Variants in SSC5D observed in about 807,000 individuals in gnomAD.
SSC5D encodes the protein soluble scavenger receptor cysteine-rich domain-containing protein SSC5D.
A neutral mutation model predicts 104.6 loss-of-function variants in SSC5D; 106 were observed. The observed-to-expected ratio is 1.01, with a 90% CI of 0.87 to 1.19. The LOEUF (loss-of-function observed/expected upper bound fraction) is 1.19, where lower values mean the gene tolerates loss of function less well. Ranked by LOEUF, SSC5D falls within the 50% of genes most tolerant of loss-of-function variation. The pLI is 0.00. For synonymous variants in SSC5D, 860 were observed against 883.5 expected, an observed-to-expected ratio of 0.97 and a Z score of 0.47; for missense variants, 1,993 against 2,153.8, an observed-to-expected ratio of 0.93 and a Z score of 1.48.
intron 12 of SSC5D, among the ~76,000 whole-genome samples, chr19:55,512,529 A>T (rs12979656): frequency 0.99 from 149,127 of 150,102 alleles, 74,116 homozygotes; most frequent in Non-Finnish European, 1. Context: ...TCACCCAGGC[A>T]GGAGTGCAGT....
rs182330064 is a variant in SSC5D, at chr19:55,512,743, A to G, written c.2786-268A>G. 1.6e-3 allele frequency among the ~76,000 whole-genome samples: 241 copies of G among 152,266 alleles called. 1 individual carries two copies. The highest frequency in any genetic ancestry group is 5.6e-3 in the African/African-American group (231 of 41,520). ...AGTGATCTGCCTGCCTCAGCCTCCC[A>G]AAGTGCTGGGATTACAAGCTTGAGC... On this transcript the variant is annotated intron_variant, in intron 12 of 13. Coordinates refer to ENST00000389623, the MANE Select transcript of SSC5D (RefSeq NM_001144950.2).
At chr19:55,514,621 G>A (rs896257574) in intron 13 of SSC5D, among the ~76,000 whole-genome samples, 1 of 150,236 alleles carries the variant, frequency 6.7e-6, no homozygotes, top group Non-Finnish European at 1.5e-5. Context: ...AAAAGAGAGA[G>A]AGAGAAGAAG....
chr19:55,500,323 T>C lies in SSC5D; in HGVS notation c.2213T>C (p.Leu738Pro), dbSNP rs754376264. 14 of 1,551,350 alleles carry C rather than the reference T, an allele frequency of 9.0e-6. No homozygotes were observed. The South Asian group carries it at 1.4e-4, about 16-fold the overall frequency. The change falls in exon 10 of 14, where the codon CTG becomes CCG. Residue 738 changes from leucine to proline, a missense_variant. This residue lies in a region of SSC5D where 1,101 missense variants were observed against 1,085.0 expected (regional missense o/e 1.01). Coordinates refer to ENST00000389623, the MANE Select transcript of SSC5D (RefSeq NM_001144950.2). This position sits in a 1 kb window ranked among gnomAD's most constrained non-coding sequence, Gnocchi z 4.6. Reference protein sequence around the residue: ...STIKSIPQASLEPSAEIPEGS... With the variant: ...STIKSIPQASPEPSAEIPEGS... ...ATCAAGAGTATCCCTCAGGCCTCCC[T>C]GGAGCCATCTGCTGAGATCCCAGAA... is the stretch of plus-strand genomic sequence containing the variant.
rs1987667816 is a variant in SSC5D, at chr19:55,507,678, A to AG, written c.2786-5333_2786-5332insG. Among the ~76,000 whole-genome samples the AG allele has an allele frequency of 5.3e-5, 8 of 151,322 alleles. No homozygotes were observed. In the South Asian group the frequency reaches 1.5e-3, roughly 28 times the overall value. ...GAGACTCCGTCTCAAAAAAAAAAAA[A>AG]AAAAAAAAAAGAAAAAAAGAGACAT... On this transcript the variant is annotated intron_variant, in intron 12 of 13. Coordinates refer to ENST00000389623, the MANE Select transcript of SSC5D (RefSeq NM_001144950.2).
intron 13 of SSC5D, 128 bp from the exon 14 acceptor site, chr19:55,517,096 C>A: frequency 1.2e-6 from 1 of 853,308 alleles, no homozygotes. Flanking sequence ...TGAAGTCTGC[C>A]GGTGACCCAT....
Position 55,500,855 on chromosome 19 carries a change from T to A in SSC5D, c.2617+51T>A, listed in dbSNP as rs1987479758. 2.0e-6 allele frequency: 3 copies of A among 1,507,312 alleles called. No homozygotes were observed. The highest frequency in any genetic ancestry group is 2.7e-6 in the Non-Finnish European group (3 of 1,126,300). The allele number at this position is 1,507,312 out of a possible 1,614,324, so 93.4% of individuals were successfully genotyped here. ...GGGTTGTCGGGGGTGGCCAGGAGAA[T>A]GGAGTCAGGGTGGGGCCAGGTGACG... On this transcript the variant is annotated intron_variant, in intron 11 of 13. Transcript: ENST00000389623. The surrounding 1 kb of genome is among the most constrained non-coding windows in gnomAD (Gnocchi z 4.6).
rs1987912984 is a variant in SSC5D, at chr19:55,517,933, C to T, written c.3657C>T (p.Thr1219=). The T allele has an allele frequency of 6.5e-7, 1 of 1,540,444 alleles. No individual in the cohort carries two copies. Among genetic ancestry groups the T allele is most frequent in the Non-Finnish European group, 8.7e-7 (1 of 1,144,032 alleles). Residue 1219 remains threonine, a synonymous_variant, in exon 14 of 14, where the codon ACC becomes ACT. Coordinates refer to ENST00000389623, the MANE Select transcript of SSC5D (RefSeq NM_001144950.2). ...ACTCCACCATGATTCCTGACCCCAC[C>T]ACAACCCCTCAACCCTTCACCACCA... is the stretch of plus-strand genomic sequence containing the variant. ...ITHSTMIPDP[T]TTPQPFTTMQ...
At chr19:55,492,572 G>A (rs2123431302) in intron 6 of SSC5D, 1 of 152,160 alleles carries the variant, frequency 6.6e-6, no homozygotes, top group East Asian at 1.9e-4. Flanking sequence ...CCCCTCCCCT[G>A]TCTGCAGATG....
Position 55,488,498 on chromosome 19 carries a change from C to G in SSC5D, c.-92C>G. The G allele has an allele frequency of 3.1e-4, 331 of 1,065,468 alleles. No individual in the cohort carries two copies. Among genetic ancestry groups the G allele is most frequent in the Middle Eastern group, 4.2e-4 (2 of 4,748 alleles). 66.0% of individuals were successfully genotyped at this position (1,065,468 alleles called of 1,614,324 possible). On this transcript the variant is annotated 5_prime_UTR_variant, in exon 1 of 14. Coordinates refer to ENST00000389623, the MANE Select transcript of SSC5D (RefSeq NM_001144950.2). ...CGGGCCTGGGCGCCTCCAGCAGGCACTTCCCTCCCTCCCTCTCTCCCCAGC... is the reference window on the plus strand; with the variant it reads ...CGGGCCTGGGCGCCTCCAGCAGGCAGTTCCCTCCCTCCCTCTCTCCCCAGC...
Position 55,517,293 on chromosome 19 carries a change from C to T in SSC5D, c.3017C>T (p.Thr1006Ile), listed in dbSNP as rs1460232791. 2.6e-6 allele frequency: 4 copies of T among 1,548,616 alleles called. No homozygotes were observed. In the Admixed American group the frequency reaches 5.9e-5, roughly 23 times the overall value. The change falls in exon 14 of 14, where the codon ACC becomes ATC. Residue 1006 changes from threonine (T) to isoleucine (I), a missense_variant. Thr to Ile is a moderately conservative substitution (Grantham distance 89, BLOSUM62 -1). This residue lies in a region of SSC5D where 423 missense variants were observed against 409.2 expected (regional missense o/e 1.03). Coordinates refer to ENST00000389623, the MANE Select transcript of SSC5D (RefSeq NM_001144950.2). Reference sequence around the variant, plus strand: ...GCTGCGACCAGGACAGCGCCCCCAACCCCGTCCCCAGGTCCCTCCGCCTCT... The same window carrying T: ...GCTGCGACCAGGACAGCGCCCCCAATCCCGTCCCCAGGTCCCTCCGCCTCT... ...RPAATRTAPP[T>I]PSPGPSASPG...
At chr19:55,497,475 A>G (rs1987354389) in intron 8 of SSC5D, among the ~76,000 whole-genome samples, 2 of 152,270 alleles carry the variant, frequency 1.3e-5, no homozygotes, top group Non-Finnish European at 2.9e-5. Flanking sequence ...ATACAACTTA[A>G]GTGGTATTTA....
In SSC5D at chr19:55,503,665, C is replaced by T. The variant is rs1304703981; in HGVS notation, c.2785+2464C>T. On this transcript the variant is annotated intron_variant, in intron 12 of 13. Transcript: ENST00000389623. The surrounding 1 kb of genome is among the most constrained non-coding windows in gnomAD (Gnocchi z 4.0). ...CCCGTCGCAGTCGCTGTTTCTCCGT[C>T]TTCTCCCTCCCTTCCACTCTCCCGC... is the stretch of plus-strand genomic sequence containing the variant. 1.3e-5 allele frequency among the ~76,000 whole-genome samples: 2 copies of T among 152,216 alleles called. No homozygotes were observed. The highest frequency in any genetic ancestry group is 2.9e-5 in the Non-Finnish European group (2 of 68,038).
intron 13 of SSC5D, among the ~76,000 whole-genome samples, chr19:55,514,330 A>T (rs1467754966): frequency 6.7e-6 from 1 of 150,198 alleles, no homozygotes; most frequent in East Asian, 2.0e-4. Context: ...GCGTGAACCC[A>T]GGAGGCAGAG....
chr19:55,495,689 A>C (rs1987307856), intron 8 of SSC5D, among the ~76,000 whole-genome samples: 1 of 152,106 alleles, frequency 6.6e-6, no homozygotes, highest in East Asian at 1.9e-4. Flanking sequence ...CACACAGGGA[A>C]GCACCAGGGC....
At chr19:55,497,112 C>CCTCAGGCAGAATTTTT (rs1427566986) in intron 8 of SSC5D, among the ~76,000 whole-genome samples, 1 of 152,226 alleles carries the variant, frequency 6.6e-6, no homozygotes, top group Admixed American at 6.5e-5. Flanking sequence ...TCTCCAGCTT[C>CCTCAGGCAGAATTTTT]CTCAGGCAGA....
In SSC5D at chr19:55,507,887, A is replaced by G. The variant is rs113348823; in HGVS notation, c.2786-5124A>G. The stretch of plus-strand genomic sequence containing the variant: ...CCAGCGTGGATGCAGGGAGCCCGGG[A>G]GGTCCAGGGGAGAGTGACAATGGCT... On this transcript the variant is annotated intron_variant, in intron 12 of 13. Coordinates refer to ENST00000389623, the MANE Select transcript of SSC5D (RefSeq NM_001144950.2). Among the ~76,000 whole-genome samples, 212 of 152,138 alleles carry G rather than the reference A, an allele frequency of 1.4e-3. 5 individuals carry two copies. The highest frequency in any genetic ancestry group is 4.9e-3 in the African/African-American group (205 of 41,500).
At chr19:55,490,049 C>T in intron 4 of SSC5D, 54 bp downstream of exon 4, 2 of 1,293,096 alleles carry the variant, frequency 1.5e-6, no homozygotes, top group Admixed American at 2.3e-5. Flanking sequence ...CTCCTGCCCC[C>T]CCCGAGGGGA....
chr19:55,513,507 G>A (rs542119020), intron 13 of SSC5D, among the ~76,000 whole-genome samples: 1 of 152,270 alleles, frequency 6.6e-6, no homozygotes, highest in South Asian at 2.1e-4. Flanking sequence ...TTGAGCCTGG[G>A]TGCTCGAGGC....
At chr19:55,510,315 T>C (rs1196643482) in intron 12 of SSC5D, among the ~76,000 whole-genome samples, 1 of 152,028 alleles carries the variant, frequency 6.6e-6, no homozygotes, top group Non-Finnish European at 1.5e-5. Context: ...GTGTTCTTCA[T>C]GGAGTCTTCC....
Sources: gnomAD v4.1 joint callset for allele counts (sites outside exome capture counted in the v4.1 genomes callset) on GRCh38, gnomAD v4.1.1 for gene constraint, gnomAD v4.1.1 regional missense constraint, Gnocchi (gnomAD v3.1) non-coding constraint, MANE v1.5 for transcripts, NCBI Gene and HGNC (gene_info 2026-07-23, HGNC 2026-07-21) for gene names.